CEP128: variants seen among roughly 807,000 people sequenced by gnomAD.
The protein encoded by CEP128 is centrosomal protein 128kDa.
Under a neutral mutation model 156.7 loss-of-function variants are expected in CEP128, and 132 were observed. That is an observed-to-expected ratio of 0.84 (90% CI 0.73 to 0.97). The LOEUF (loss-of-function observed/expected upper bound fraction) is 0.97, where lower values mean the gene tolerates loss of function less well. Among genes scored for constraint, CEP128 ranks in the 50% least tolerant of loss-of-function variants. The pLI, the probability that CEP128 is intolerant of heterozygous loss-of-function variation, is 0.00. For missense variants in CEP128, 1,252 were observed against 1,281.9 expected, an observed-to-expected ratio of 0.98 and a Z score of 0.36; for synonymous variants, 469 against 448.9, an observed-to-expected ratio of 1.04 and a Z score of -0.57.
At chr14:80,602,420 C>G (rs1055611596) in intron 19 of CEP128, among the ~76,000 whole-genome samples, 1 of 152,130 alleles carries the variant, frequency 6.6e-6, no homozygotes. Flanking sequence ...CACATTCTCC[C>G]CAAAGGCATA....
intron 19 of CEP128, among the ~76,000 whole-genome samples, chr14:80,592,903 T>C (rs1892142798): frequency 1.3e-5 from 2 of 152,182 alleles, no homozygotes. Flanking sequence ...AAAAGCCACA[T>C]GATTATCTCA....
At chr14:80,926,613 T>C (rs998446501) in intron 2 of CEP128, among the ~76,000 whole-genome samples, 2 of 152,172 alleles carry the variant, frequency 1.3e-5, no homozygotes, top group South Asian at 2.1e-4. Flanking sequence ...GCATGCTCCA[T>C]GGCCCCACCC....
chr14:80,484,204 C>G (rs1387330248), intron 14 of CEP128, among the ~76,000 whole-genome samples: 1 of 152,184 alleles, frequency 6.6e-6, no homozygotes, highest in Non-Finnish European at 1.5e-5. Flanking sequence ...TCTCAAACTC[C>G]TGAGCTCAAG....
chr14:80,721,065 A>G (rs1897799326), intron 19 of CEP128, among the ~76,000 whole-genome samples: 1 of 152,196 alleles, frequency 6.6e-6, no homozygotes, highest in African/African-American at 2.4e-5. Flanking sequence ...AAAATTTAAG[A>G]ATTCAAAGAA....
At chr14:80,944,822 C>CAAAAAAAAAAAAAAAAAAAAAA (rs55662141), upstream of CEP128, among the ~76,000 whole-genome samples, 1 of 34,658 alleles carries the variant, frequency 2.9e-5, no homozygotes, top group Non-Finnish European at 5.8e-5. Context: ...GAGTCTGTCT[C>CAAAAAAAAAAAAAAAAAAAAAA]AAAAAAAAAA....
chr14:80,584,482 G>A (rs992780891), intron 19 of CEP128, among the ~76,000 whole-genome samples: 17 of 152,076 alleles, frequency 1.1e-4, no homozygotes, highest in African/African-American at 4.1e-4. Context: ...CTTAACTACT[G>A]CCTTTCTATC....
intron 14 of CEP128, among the ~76,000 whole-genome samples, chr14:80,481,428 G>A (rs749050548): frequency 5.9e-5 from 9 of 152,212 alleles, no homozygotes; most frequent in Admixed American, 5.2e-4. Flanking sequence ...GCAGTTCTCA[G>A]AGATACAATT....
At chr14:80,891,554 G>C (rs1355039070) in intron 8 of CEP128, among the ~76,000 whole-genome samples, 4 of 150,422 alleles carry the variant, frequency 2.7e-5, no homozygotes, top group Admixed American at 2.7e-4. Flanking sequence ...TAGTTGGAAG[G>C]GTGAGGAGGA....
chr14:80,905,909 C>T (rs1243366713), intron 5 of CEP128, 46 bp downstream of exon 5: 1 of 1,594,210 alleles, frequency 6.3e-7, no homozygotes, highest in Non-Finnish European at 8.6e-7. Context: ...TCAATATCTA[C>T]TTCAAAAATA....
intron 19 of CEP128, among the ~76,000 whole-genome samples, chr14:80,718,607 C>A (rs371724844): frequency 1.3e-5 from 2 of 152,196 alleles, no homozygotes; most frequent in African/African-American, 2.4e-5. Flanking sequence ...CCAAACTACA[C>A]AAACTTAGTT....
intron 24 of CEP128, among the ~76,000 whole-genome samples, chr14:80,500,535 T>C (rs528164313): frequency 1.5e-3 from 235 of 152,330 alleles, no homozygotes; most frequent in African/African-American, 5.3e-3. Context: ...TCAGTAACAC[T>C]TGTCTTTGTA....
chr14:80,681,368 A>G (rs888481555), intron 19 of CEP128, among the ~76,000 whole-genome samples: 7 of 152,232 alleles, frequency 4.6e-5, no homozygotes, highest in African/African-American at 1.7e-4. Context: ...CGACACCACC[A>G]ATAGATCACA....
At chr14:80,798,656 G>C (rs139147176) in intron 13 of CEP128, among the ~76,000 whole-genome samples, 1 of 152,130 alleles carries the variant, frequency 6.6e-6, no homozygotes, top group Non-Finnish European at 1.5e-5. Flanking sequence ...TTATTTCAGC[G>C]TAGAAAACTA....
At chr14:80,785,871 A>C (rs895287898) in intron 14 of CEP128, among the ~76,000 whole-genome samples, 9 of 152,172 alleles carry the variant, frequency 5.9e-5, no homozygotes, top group African/African-American at 2.2e-4. Flanking sequence ...AAAGACTCTC[A>C]TTATAAAGAA....
chr14:80,550,258 T>C (rs922131853), intron 21 of CEP128, among the ~76,000 whole-genome samples: 1 of 152,216 alleles, frequency 6.6e-6, no homozygotes. Flanking sequence ...GCTGATTAAA[T>C]GCCGACTAAT....
intron 14 of CEP128, among the ~76,000 whole-genome samples, chr14:80,479,605 T>C (rs142837879): frequency 1.3e-5 from 2 of 152,308 alleles, no homozygotes; most frequent in East Asian, 3.9e-4. Flanking sequence ...CATGTGGGAA[T>C]TCTGGGAGGT....
downstream of CEP128, among the ~76,000 whole-genome samples, chr14:80,492,572 C>A (rs925955647): frequency 6.6e-6 from 1 of 151,988 alleles, no homozygotes; most frequent in Admixed American, 6.6e-5. Context: ...GAAATATTTC[C>A]AATAGAAATA....
chr14:80,556,148 C>T (rs566067991), intron 21 of CEP128, among the ~76,000 whole-genome samples: 2 of 152,206 alleles, frequency 1.3e-5, no homozygotes, highest in South Asian at 4.1e-4. Flanking sequence ...AGGGAATCAA[C>T]CCATTCTATT....
intron 19 of CEP128, among the ~76,000 whole-genome samples, chr14:80,627,667 T>A (rs1316914981): frequency 2.0e-5 from 3 of 151,856 alleles, no homozygotes; most frequent in Non-Finnish European, 4.4e-5. Context: ...TTTGGAAGAA[T>A]AAAATGAGAT....
Sources: gnomAD v4.1 joint callset for allele counts (sites outside exome capture counted in the v4.1 genomes callset) on GRCh38, gnomAD v4.1.1 for gene constraint, MANE v1.5 for transcripts, NCBI Gene and HGNC (gene_info 2026-07-23, HGNC 2026-07-21) for gene names.